Variants in SORCS1 observed in about 807,000 individuals in gnomAD.
The protein encoded by SORCS1 is VPS10 domain-containing receptor SorCS1.
In SORCS1, 60 loss-of-function variants were observed where a neutral mutation model predicts 146.1. That is an observed-to-expected ratio of 0.41 (90% confidence interval 0.33 to 0.51). SORCS1 has a LOEUF of 0.51. SORCS1 is among the 20% of genes least tolerant of loss of function. SORCS1 has a pLI of 0.21. For synonymous variants in SORCS1, 637 were observed against 584.0 expected, an observed-to-expected ratio of 1.09 and a Z score of -1.31; for missense variants, 1,352 against 1,487.6, an observed-to-expected ratio of 0.91 and a Z score of 1.50.
In SORCS1 at chr10:106,962,349, G is replaced by T. The variant is rs550641056; in HGVS notation, c.559-5769C>A. On this transcript the variant is annotated intron_variant, in intron 1 of 25. Transcript: ENST00000263054. ...GGTAGAGGTTGTGGTGAGCCAAATC[G>T]CAAAATTGCACTCCAGCCTGGGCAA... Among the ~76,000 whole-genome samples the T allele has an allele frequency of 1.7e-4, 20 of 115,864 alleles. 1 individual carries two copies. In the South Asian group the frequency reaches 5.4e-3, roughly 31 times the overall value. The allele number at this position is 115,864 out of a possible 152,430, so 76.0% of individuals were successfully genotyped here.
At chr10:106,772,025 C>T (rs1860057544) in intron 4 of SORCS1, among the ~76,000 whole-genome samples, 1 of 152,080 alleles carries the variant, frequency 6.6e-6, no homozygotes, top group Non-Finnish European at 1.5e-5. Context: ...TTTTATGTGT[C>T]GACTTGGCTA....
chr10:106,934,389 T>C (rs138258379), intron 2 of SORCS1, among the ~76,000 whole-genome samples: 10,271 of 151,864 alleles, frequency 0.068, 986 homozygotes, highest in African/African-American at 0.21. Context: ...TCCTGTGTAG[T>C]TGGGACTACA....
chr10:106,964,730 C>T (rs918342434), intron 1 of SORCS1, among the ~76,000 whole-genome samples: 22 of 152,038 alleles, frequency 1.4e-4, no homozygotes, highest in Non-Finnish European at 3.1e-4. Context: ...TCCTTATCTG[C>T]CTGCCTTGCC....
chr10:106,691,425 T>C (rs1315200644), intron 9 of SORCS1, among the ~76,000 whole-genome samples: 1 of 152,228 alleles, frequency 6.6e-6, no homozygotes, highest in Admixed American at 6.5e-5. Context: ...TTGCTTCTCC[T>C]ACAGAGAAAT....
At chr10:106,724,023 G>A (rs1855969306) in intron 6 of SORCS1, among the ~76,000 whole-genome samples, 1 of 152,014 alleles carries the variant, frequency 6.6e-6, no homozygotes, top group Non-Finnish European at 1.5e-5. Context: ...TCTACTGGCA[G>A]GTCTGATAAC....
intron 1 of SORCS1, among the ~76,000 whole-genome samples, chr10:107,123,619 A>T (rs1381126811): frequency 6.6e-6 from 1 of 152,198 alleles, no homozygotes; most frequent in Non-Finnish European, 1.5e-5. Flanking sequence ...GCTTAATTTA[A>T]CTCAAAATGT....
rs558131553 is a variant in SORCS1 at position 106,961,438 on chromosome 10, T to C, written c.559-4858A>G. On this transcript the variant is annotated intron_variant, in intron 1 of 25. Coordinates refer to ENST00000263054, the MANE Select transcript of SORCS1 (RefSeq NM_052918.5). ...ACTTGTGTATTAACTAAGTAGTAGA[T>C]GGTAGAGAACCAAAATTTTTCTATG... is the stretch of plus-strand genomic sequence containing the variant. Among the ~76,000 whole-genome samples the C allele has an allele frequency of 1.4e-4, 21 of 152,374 alleles. No individual in the cohort carries two copies. The South Asian group carries it at 4.1e-3, about 30-fold the overall frequency.
chr10:106,883,419 T>A (rs1021070053), intron 2 of SORCS1, among the ~76,000 whole-genome samples: 1 of 130,196 alleles, frequency 7.7e-6, no homozygotes, highest in Admixed American at 7.8e-5. Flanking sequence ...GCAAATGTAT[T>A]TTTTTTTTTT....
At chr10:106,996,858 C>G (rs1564905065) in intron 1 of SORCS1, among the ~76,000 whole-genome samples, 1 of 152,046 alleles carries the variant, frequency 6.6e-6, no homozygotes, top group African/African-American at 2.4e-5. Context: ...TAGTGCCTAT[C>G]TTGCAGTTAT....
rs765084706 is a variant in SORCS1, at chr10:106,688,352, A to T, written c.1414-14T>A. The T allele has an allele frequency of 1.2e-6, 2 of 1,607,850 alleles. No individual in the cohort carries two copies. Among genetic ancestry groups the T allele is most frequent in the Admixed American group, 3.4e-5 (2 of 58,298 alleles). ...TATCCCTGCTACCTGGGAAAAATTGACATGGCTGAAAAATACATCAATTTG... is the reference window on the plus strand; with the variant it reads ...TATCCCTGCTACCTGGGAAAAATTGTCATGGCTGAAAAATACATCAATTTG... On this transcript the variant is annotated splice_polypyrimidine_tract_variant and intron_variant, in intron 9 of 25. Coordinates refer to ENST00000263054, the MANE Select transcript of SORCS1 (RefSeq NM_052918.5).
intron 5 of SORCS1, among the ~76,000 whole-genome samples, chr10:106,757,196 C>T (rs1259297802): frequency 6.6e-6 from 1 of 152,064 alleles, no homozygotes; most frequent in Non-Finnish European, 1.5e-5. Context: ...ATGACCATTG[C>T]TACCAGAAAT....
chr10:106,583,243 A>G (rs1048196272), intron 24 of SORCS1, among the ~76,000 whole-genome samples: 9 of 152,208 alleles, frequency 5.9e-5, no homozygotes, highest in Non-Finnish European at 1.0e-4. Context: ...CTACAGAAAA[A>G]AAATCCTGAA....
chr10:106,818,514 C>T lies in SORCS1; in HGVS notation c.726+11060G>A, dbSNP rs536592767. 6.6e-5 allele frequency among the ~76,000 whole-genome samples: 10 copies of T among 152,074 alleles called. No homozygotes were observed. In the East Asian group the frequency reaches 1.5e-3, roughly 24 times the overall value. On this transcript the variant is annotated intron_variant, in intron 3 of 25. Coordinates refer to ENST00000263054, the MANE Select transcript of SORCS1 (RefSeq NM_052918.5). Reference sequence around the variant, plus strand: ...CCGAGTAGCTTGGACTACAGGCACGCACCACCAGGCCCAGCAAATTTTTGT... The same window carrying T: ...CCGAGTAGCTTGGACTACAGGCACGTACCACCAGGCCCAGCAAATTTTTGT...
chr10:106,712,903 C>G (rs1288798138), intron 6 of SORCS1, among the ~76,000 whole-genome samples: 7 of 152,160 alleles, frequency 4.6e-5, no homozygotes, highest in Admixed American at 4.6e-4. Flanking sequence ...CTCAGAAGTT[C>G]CCATATGCAA....
chr10:106,811,491 C>A (rs1040755677), intron 3 of SORCS1, among the ~76,000 whole-genome samples: 1 of 152,148 alleles, frequency 6.6e-6, no homozygotes, highest in South Asian at 2.1e-4. Flanking sequence ...ATTCTCAGAA[C>A]TAACGACCTA....
At chr10:107,123,264 C>T (rs921855594) in intron 1 of SORCS1, among the ~76,000 whole-genome samples, 3 of 152,124 alleles carry the variant, frequency 2.0e-5, no homozygotes, top group Non-Finnish European at 4.4e-5. Context: ...TTGCCCACAT[C>T]TGATGTTGAA....
chr10:106,923,472 T>C (rs778513564), intron 2 of SORCS1, among the ~76,000 whole-genome samples: 2 of 152,222 alleles, frequency 1.3e-5, no homozygotes, highest in Non-Finnish European at 2.9e-5. Context: ...TCAATTCAGT[T>C]GGGTAAAGGC....
intron 1 of SORCS1, among the ~76,000 whole-genome samples, chr10:107,026,257 G>C (rs771224420): frequency 7.4e-4 from 113 of 152,192 alleles, no homozygotes; most frequent in Non-Finnish European, 1.4e-3. Context: ...CATTTATTAA[G>C]AGGAATAAAT....
chr10:107,175,326 A>C, the SORCS1 span, among the ~76,000 whole-genome samples: 1 of 152,342 alleles, frequency 6.6e-6, no homozygotes, highest in East Asian at 1.9e-4. Flanking sequence ...GTGTAAGATT[A>C]GTGTTATTTC....
Sources: allele counts gnomAD v4.1 joint callset (sites outside exome capture counted in the v4.1 genomes callset), GRCh38; gene constraint gnomAD v4.1.1; transcripts MANE v1.5; gene names NCBI Gene and HGNC (gene_info 2026-07-23, HGNC 2026-07-21).